The following CREB3L2 variants were observed in gnomAD, a reference collection of about 807,000 sequenced individuals.
The protein encoded by CREB3L2 is cyclic AMP-responsive element-binding protein 3-like protein 2.
A neutral mutation model predicts 57.2 loss-of-function variants in CREB3L2; 23 were observed. That is an observed-to-expected ratio of 0.40 (90% CI 0.29 to 0.57). The LOEUF (loss-of-function observed/expected upper bound fraction) is 0.57. Ranked by LOEUF, CREB3L2 falls within the 20% of genes least tolerant of loss-of-function variation. The pLI, the probability that CREB3L2 is intolerant of heterozygous loss-of-function variation, is 0.42. For synonymous variants in CREB3L2, 268 were observed against 265.1 expected (o/e 1.01, Z -0.11); for missense variants, 628 against 634.7 (o/e 0.99, Z 0.11).
intron 8 of CREB3L2, among the ~76,000 whole-genome samples, chr7:137,886,212 A>C (rs1316541819): frequency 6.6e-6 from 1 of 152,254 alleles, no homozygotes; most frequent in Non-Finnish European, 1.5e-5. Flanking sequence ...GTCGATTAAA[A>C]GAAGAACTCA....
At position 137,951,577 on chromosome 7, in the gene CREB3L2, T is replaced by C. The variant is rs1330638595; in HGVS notation, c.103-23211A>G. 2.6e-5 allele frequency among the ~76,000 whole-genome samples: 4 copies of C among 152,226 alleles called. No homozygotes were observed. The East Asian group carries it at 7.7e-4, about 29-fold the overall frequency. On this transcript the variant is annotated intron_variant, in intron 1 of 11. Coordinates refer to ENST00000330387, the MANE Select transcript of CREB3L2 (RefSeq NM_194071.4). The stretch of plus-strand genomic sequence containing the variant: ...CAAGAATTGATTGTACTTATTGAAA[T>C]GTATAAGTATGGTATATAAGCTCAA...
At chr7:137,972,234 T>A (rs1801519679) in intron 1 of CREB3L2, among the ~76,000 whole-genome samples, 1 of 151,692 alleles carries the variant, frequency 6.6e-6, no homozygotes, top group Non-Finnish European at 1.5e-5. Flanking sequence ...ATGTCAGGAG[T>A]TCGAGACCAG....
At position 137,911,179 on chromosome 7, in the gene CREB3L2, G is replaced by A. The variant is rs557015450; in HGVS notation, c.583+1812C>T. Among the ~76,000 whole-genome samples the A allele has an allele frequency of 2.0e-5, 3 of 152,334 alleles. No homozygotes were observed. The South Asian group carries it at 6.2e-4, about 32-fold the overall frequency. On this transcript the variant is annotated intron_variant, in intron 4 of 11. Coordinates refer to ENST00000330387, the MANE Select transcript of CREB3L2 (RefSeq NM_194071.4). ...GTACATAAAGCTGAAAGGCACTACT[G>A]TCTGTCACTCAGTGCAAAGACATAG...
chr7:137,894,917 C>G (rs1258774022), intron 8 of CREB3L2, among the ~76,000 whole-genome samples: 1 of 152,196 alleles, frequency 6.6e-6, no homozygotes, highest in Non-Finnish European at 1.5e-5. Context: ...CATTCTACCT[C>G]TAAATGTTAA....
At chr7:137,912,127 A>G (rs1010058392) in intron 4 of CREB3L2, among the ~76,000 whole-genome samples, 6 of 152,206 alleles carry the variant, frequency 3.9e-5, no homozygotes, top group Admixed American at 1.3e-4. Context: ...CTGTAATCCC[A>G]GGACTTCAGG....
rs1223120056 is a variant in CREB3L2 at position 137,980,356 on chromosome 7, ACT to A, written c.102+21246_102+21247del. 2.9e-4 allele frequency among the ~76,000 whole-genome samples: 44 copies of A among 151,942 alleles called. No homozygotes were observed. Among genetic ancestry groups the A allele is most frequent in the Admixed American group, 2.9e-3 (44 of 15,258 alleles). ...AGTGTGATGTGCAGCCAAGACTGAGACTCTTTGCTCTAGACCGTGGGGATGGG... is the reference window on the plus strand; with the variant it reads ...AGTGTGATGTGCAGCCAAGACTGAGACTTTGCTCTAGACCGTGGGGATGGG... On this transcript the variant is annotated intron_variant, in intron 1 of 11. Coordinates refer to ENST00000330387, the MANE Select transcript of CREB3L2 (RefSeq NM_194071.4). The surrounding 1 kb of genome is among the most constrained non-coding windows in gnomAD (Gnocchi z 4.3).
chr7:137,922,508 A>T (rs906579280), intron 2 of CREB3L2: 340 of 245,562 alleles, frequency 1.4e-3, no homozygotes, highest in East Asian at 5.1e-3. Context: ...ACACACACAC[A>T]ATATATATAT....
chr7:137,887,153 G>A (rs1408711788), intron 8 of CREB3L2, among the ~76,000 whole-genome samples: 1 of 152,186 alleles, frequency 6.6e-6, no homozygotes, highest in African/African-American at 2.4e-5. Context: ...TTCACAGAAT[G>A]CTGTGGGCTT....
In CREB3L2 at chr7:137,905,931, A is replaced by C. The variant is rs778211045; in HGVS notation, c.769-83T>G. The C allele has an allele frequency of 3.0e-5, 40 of 1,312,768 alleles. No individual in the cohort carries two copies. In the Admixed American group the frequency reaches 4.5e-4, roughly 15 times the overall value. The allele number at this position is 1,312,768 out of a possible 1,614,324, so 81.3% of individuals were successfully genotyped here. A position where few individuals can be genotyped will look rare whatever the true frequency, so the allele number is the denominator to read the frequency against. On this transcript the variant is annotated intron_variant, in intron 5 of 11. Coordinates refer to ENST00000330387, the MANE Select transcript of CREB3L2 (RefSeq NM_194071.4). The stretch of plus-strand genomic sequence containing the variant: ...ATCACCTCCCAATGGGATGATGAGA[A>C]TCTGTTACAATGTCTTACAGAAGGC...
chr7:137,909,103 A>G (rs1008819514), intron 4 of CREB3L2, among the ~76,000 whole-genome samples: 1 of 152,202 alleles, frequency 6.6e-6, no homozygotes, highest in Non-Finnish European at 1.5e-5. Flanking sequence ...CCATCTCAAA[A>G]AGCCGGAGTG....
At chr7:137,976,771 A>T (rs1563271458) in intron 1 of CREB3L2, among the ~76,000 whole-genome samples, 1 of 152,234 alleles carries the variant, frequency 6.6e-6, no homozygotes, top group Non-Finnish European at 1.5e-5. Flanking sequence ...AGTATTTTTT[A>T]AAAATCTCCC....
chr7:137,923,212 TG>T (rs1800374993), intron 2 of CREB3L2, among the ~76,000 whole-genome samples: 1 of 152,342 alleles, frequency 6.6e-6, no homozygotes, highest in East Asian at 1.9e-4. Context: ...ATGTGAACAT[TG>T]CTTTCTTATA....
chr7:137,971,582 T>C (rs1801508132), intron 1 of CREB3L2, among the ~76,000 whole-genome samples: 1 of 152,108 alleles, frequency 6.6e-6, no homozygotes, highest in Admixed American at 6.5e-5. Flanking sequence ...ACACCGGTCC[T>C]TACTCTCTGC....
intron 1 of CREB3L2, among the ~76,000 whole-genome samples, chr7:137,952,405 C>A (rs957071904): frequency 6.6e-5 from 10 of 152,216 alleles, no homozygotes; most frequent in Non-Finnish European, 1.3e-4. Flanking sequence ...TATCCCCGCC[C>A]AGCCCTCAGG....
At chr7:137,977,184 C>T (rs1159891802) in intron 1 of CREB3L2, among the ~76,000 whole-genome samples, 1 of 152,212 alleles carries the variant, frequency 6.6e-6, no homozygotes, top group Non-Finnish European at 1.5e-5. Flanking sequence ...TGGAAGTCTG[C>T]ATGGAAATGG....
rs368188380 is a variant in CREB3L2, at chr7:137,928,259, C to A, written c.210G>T (p.Pro70=). The A allele has an allele frequency of 6.2e-7, 1 of 1,613,628 alleles. No individual in the cohort carries two copies. Among genetic ancestry groups the A allele is most frequent in the Non-Finnish European group, 8.5e-7 (1 of 1,179,896 alleles). The change falls in exon 2 of 12, where the codon CCG becomes CCT. Residue 70 remains proline (P), a synonymous_variant. Coordinates refer to ENST00000330387, the MANE Select transcript of CREB3L2 (RefSeq NM_194071.4). The stretch of plus-strand genomic sequence containing the variant: ...CCTGGATGAGAGGCGCCGGGGACGT[C>A]GGGGAAGGTTCCACCTCCATTGACA... ...KSVSMEVEPS[P]TSPAPLIQAE...
chr7:137,882,714 G>C, intron 10 of CREB3L2, 86 bp from the exon 11 acceptor site: 1 of 915,198 alleles, frequency 1.1e-6, no homozygotes, highest in Non-Finnish European at 1.6e-6. Flanking sequence ...CAGGGCTGGT[G>C]GCAGATGACA....
intron 1 of CREB3L2, among the ~76,000 whole-genome samples, chr7:137,937,437 C>A (rs1800809731): frequency 6.6e-6 from 1 of 152,220 alleles, no homozygotes; most frequent in African/African-American, 2.4e-5. Flanking sequence ...AAGGGACCTG[C>A]CTTCAAAACC....
chr7:137,935,100 G>A (rs571711363), intron 1 of CREB3L2, among the ~76,000 whole-genome samples: 3 of 152,316 alleles, frequency 2.0e-5, no homozygotes, highest in Admixed American at 6.5e-5. Context: ...AATCCTGGCT[G>A]TGCAAGCCTG....
Sources: allele counts gnomAD v4.1 joint callset (sites outside exome capture counted in the v4.1 genomes callset), GRCh38; gene constraint gnomAD v4.1.1; non-coding constraint Gnocchi (gnomAD v3.1); transcripts MANE v1.5; gene names NCBI Gene and HGNC (gene_info 2026-07-23, HGNC 2026-07-21).